STX18: variants seen among roughly 807,000 people sequenced by gnomAD.
STX18 encodes the protein syntaxin 18.
STX18 carries 40 observed loss-of-function variants against 50.1 expected under a neutral mutation model. The observed-to-expected ratio is 0.80, with a 90% CI of 0.62 to 1.04. The LOEUF is 1.04. STX18 is among the 50% of genes least tolerant of loss of function. The probability of loss-of-function intolerance (pLI) is 0.00; values close to 1 mark genes in which losing one functional copy is unlikely to be tolerated. For missense variants in STX18, 410 were observed against 415.8 expected (o/e 0.99, Z 0.12); for synonymous variants, 158 against 151.8 (o/e 1.04, Z -0.30).
At chr4:4,456,522 C>T (rs1026875725) in intron 5 of STX18, among the ~76,000 whole-genome samples, 2 of 152,194 alleles carry the variant, frequency 1.3e-5, no homozygotes, top group African/African-American at 4.8e-5. Context: ...AATACAGGAG[C>T]CTGGCCCTCC....
At chr4:4,423,319 C>T (rs1447840643) in intron 9 of STX18, among the ~76,000 whole-genome samples, 199 bp downstream of exon 9, 1 of 152,252 alleles carries the variant, frequency 6.6e-6, no homozygotes, top group Non-Finnish European at 1.5e-5. Flanking sequence ...GGAGCTCCTC[C>T]TCCATCACAC....
chr4:4,433,698 G>A (rs1268164168), intron 7 of STX18, among the ~76,000 whole-genome samples: 4 of 152,174 alleles, frequency 2.6e-5, no homozygotes, highest in African/African-American at 4.8e-5. Flanking sequence ...TGCCGGGTCT[G>A]TCTGAGGAAA....
intron 1 of STX18, among the ~76,000 whole-genome samples, chr4:4,513,189 T>C (rs1234004277): frequency 2.0e-5 from 3 of 152,132 alleles, no homozygotes; most frequent in Non-Finnish European, 4.4e-5. Context: ...AATTCGGTTC[T>C]ATGTTAAGTA....
chr4:4,507,530 C>A (rs578238503), intron 1 of STX18: 3 of 769,528 alleles, frequency 3.9e-6, no homozygotes, highest in African/African-American at 3.4e-5. Context: ...AAAAGCCGCA[C>A]AAAAAATAAG....
At chr4:4,493,778 A>C (rs1003907562) in intron 1 of STX18, among the ~76,000 whole-genome samples, 40 of 152,258 alleles carry the variant, frequency 2.6e-4, no homozygotes, top group Non-Finnish European at 4.4e-5. Flanking sequence ...TATGCTTAGA[A>C]AAACAAAATG....
chr4:4,476,893 T>C (rs1298382403), intron 1 of STX18, among the ~76,000 whole-genome samples: 6 of 152,060 alleles, frequency 3.9e-5, no homozygotes, highest in Non-Finnish European at 8.8e-5. Flanking sequence ...TTTTCCATAA[T>C]AACATGTTAT....
At chr4:4,490,640 A>G (rs1252656100) in intron 1 of STX18, among the ~76,000 whole-genome samples, 4 of 152,138 alleles carry the variant, frequency 2.6e-5, no homozygotes, top group Admixed American at 6.5e-5. Flanking sequence ...TTCTGTGCCC[A>G]TAATTGGAAA....
At chr4:4,463,358 T>A (rs945444661) in intron 2 of STX18, among the ~76,000 whole-genome samples, 2 of 152,256 alleles carry the variant, frequency 1.3e-5, no homozygotes, top group African/African-American at 4.8e-5. Flanking sequence ...TGATAAAATA[T>A]CCTTATTACT....
At chr4:4,425,095 A>C in intron 8 of STX18, 69 bp downstream of exon 8, 1 of 1,450,122 alleles carries the variant, frequency 6.9e-7, no homozygotes, top group African/African-American at 1.4e-5. Context: ...CACCAAGGTA[A>C]ATAAAGTTCC....
chr4:4,538,254 T>C (rs969700606), intron 1 of STX18, among the ~76,000 whole-genome samples: 1 of 152,156 alleles, frequency 6.6e-6, no homozygotes, highest in African/African-American at 2.4e-5. Context: ...GATTCTGAGC[T>C]ATAGGGATCC....
At chr4:4,456,436 C>A (rs1477006471) in intron 5 of STX18, among the ~76,000 whole-genome samples, 1 of 152,186 alleles carries the variant, frequency 6.6e-6, no homozygotes, top group African/African-American at 2.4e-5. Context: ...GCAGCGGGAA[C>A]GACTGTGAGG....
intron 1 of STX18, among the ~76,000 whole-genome samples, chr4:4,539,266 T>A (rs1270755740): frequency 6.6e-6 from 1 of 152,228 alleles, no homozygotes; most frequent in African/African-American, 2.4e-5. Flanking sequence ...TATAACTTAT[T>A]ACATTTCATT....
intron 1 of STX18, among the ~76,000 whole-genome samples, chr4:4,472,108 C>T (rs6841963): frequency 6.6e-6 from 1 of 152,026 alleles, no homozygotes; most frequent in Admixed American, 6.5e-5. Context: ...GAAGCTGTTG[C>T]GTTTGTAAAT....
chr4:4,470,359 TG>T (rs1200074529), intron 2 of STX18, among the ~76,000 whole-genome samples: 1 of 152,178 alleles, frequency 6.6e-6, no homozygotes, highest in Non-Finnish European at 1.5e-5. Flanking sequence ...AAATGTCCCC[TG>T]GGGTGCAAAA....
intron 1 of STX18, among the ~76,000 whole-genome samples, chr4:4,539,546 C>G (rs986488957): frequency 3.3e-5 from 5 of 152,182 alleles, no homozygotes; most frequent in African/African-American, 9.6e-5. Flanking sequence ...TGTATGTTTC[C>G]TCTACGTCAG....
intron 1 of STX18, among the ~76,000 whole-genome samples, chr4:4,528,412 T>A (rs991687362): frequency 6.6e-6 from 1 of 152,104 alleles, no homozygotes; most frequent in Non-Finnish European, 1.5e-5. Flanking sequence ...TAAAAGAGTC[T>A]GGGACCTCCC....
chr4:4,504,951 T>A (rs1729630613), intron 1 of STX18, among the ~76,000 whole-genome samples: 1 of 152,200 alleles, frequency 6.6e-6, no homozygotes, highest in Admixed American at 6.5e-5. Context: ...AAACAATTCA[T>A]CCATTTAAAT....
At chr4:4,474,389 T>C (rs886976961) in intron 1 of STX18, among the ~76,000 whole-genome samples, 7 of 152,242 alleles carry the variant, frequency 4.6e-5, no homozygotes, top group African/African-American at 4.8e-5. Flanking sequence ...ATTGAATAAA[T>C]AGTGGGTACT....
At chr4:4,531,658 C>T (rs2108924383) in intron 1 of STX18, among the ~76,000 whole-genome samples, 1 of 152,298 alleles carries the variant, frequency 6.6e-6, no homozygotes, top group South Asian at 2.1e-4. Context: ...ACCATCCATC[C>T]ACTTGACTTG....
Sources: allele counts gnomAD v4.1 joint callset (sites outside exome capture counted in the v4.1 genomes callset), GRCh38; gene constraint gnomAD v4.1.1; transcripts MANE v1.5; gene names NCBI Gene and HGNC (gene_info 2026-07-23, HGNC 2026-07-21).